Variants in CDH12 observed in about 807,000 individuals in gnomAD.
The protein encoded by CDH12 is cadherin-12.
In CDH12, 41 loss-of-function variants were observed where a neutral mutation model predicts 74.1. That is an observed-to-expected ratio of 0.55 (90% CI 0.43 to 0.72). The LOEUF is 0.72. CDH12 is among the 30% of genes least tolerant of loss of function. The pLI, the probability that CDH12 is intolerant of heterozygous loss-of-function variation, is 0.00. For missense variants in CDH12, 945 were observed against 977.2 expected, an observed-to-expected ratio of 0.97 and a Z score of 0.44; for synonymous variants, 399 against 355.0, an observed-to-expected ratio of 1.12 and a Z score of -1.39.
intron 3 of CDH12, among the ~76,000 whole-genome samples, chr5:22,254,550 T>C (rs1753249485): frequency 6.6e-6 from 1 of 151,804 alleles, no homozygotes; most frequent in Non-Finnish European, 1.5e-5. Context: ...CAATGAAATA[T>C]AACTAATGGG....
intron 6 of CDH12, among the ~76,000 whole-genome samples, chr5:21,929,407 T>A (rs909079857): frequency 6.6e-6 from 1 of 151,534 alleles, no homozygotes; most frequent in African/African-American, 2.4e-5. Context: ...TCATCAGGCA[T>A]TAGATTTTCA....
chr5:22,320,080 C>A (rs1738805130), intron 3 of CDH12, among the ~76,000 whole-genome samples: 1 of 152,082 alleles, frequency 6.6e-6, no homozygotes, highest in African/African-American at 2.4e-5. Flanking sequence ...TTAGGTCCTC[C>A]CTTATTCTGA....
chr5:22,280,027 C>G lies in CDH12; in HGVS notation c.-332-67384G>C, dbSNP rs1580475820. 4.6e-5 allele frequency among the ~76,000 whole-genome samples: 7 copies of G among 152,278 alleles called. No individual in the cohort carries two copies. The South Asian group carries it at 1.4e-3, about 32-fold the overall frequency. On this transcript the variant is annotated intron_variant, in intron 3 of 14. Coordinates refer to ENST00000382254, the MANE Select transcript of CDH12 (RefSeq NM_004061.5). Reference sequence around the variant, plus strand: ...AAGTGTTCCTATTTCTCCACATCCTCTCCAGCACCTGTTGTTTCCTGACTT... The same window carrying G: ...AAGTGTTCCTATTTCTCCACATCCTGTCCAGCACCTGTTGTTTCCTGACTT...
chr5:22,120,396 A>C (rs34004691), intron 4 of CDH12, among the ~76,000 whole-genome samples: 27,128 of 152,108 alleles, frequency 0.18, 3,389 homozygotes, highest in Non-Finnish European at 0.25. Context: ...CAGTAGATGA[A>C]GTATTACATG....
intron 6 of CDH12, chr5:21,882,991 G>C (rs1238990560): frequency 1.3e-6 from 2 of 1,590,928 alleles, no homozygotes; most frequent in Non-Finnish European, 8.6e-7. Context: ...ATTAGCAAAG[G>C]TGCTAATCCA....
intron 3 of CDH12, among the ~76,000 whole-genome samples, chr5:22,343,440 C>T (rs987148076): frequency 5.3e-5 from 8 of 151,636 alleles, no homozygotes; most frequent in African/African-American, 1.5e-4. Flanking sequence ...TTTTTTGAGA[C>T]GGAGTCTCGC....
At chr5:22,629,512 C>G (rs1738470035) in intron 1 of CDH12, among the ~76,000 whole-genome samples, 1 of 152,090 alleles carries the variant, frequency 6.6e-6, no homozygotes, top group Non-Finnish European at 1.5e-5. Flanking sequence ...AACAAAACCA[C>G]ACGATCATCT....
At chr5:21,863,856 A>G (rs938328561) in intron 6 of CDH12, among the ~76,000 whole-genome samples, 1 of 152,190 alleles carries the variant, frequency 6.6e-6, no homozygotes, top group African/African-American at 2.4e-5. Context: ...GAACTGATGC[A>G]TGTAACAAAA....
At chr5:22,242,574 A>T (rs936082542) in intron 3 of CDH12, among the ~76,000 whole-genome samples, 1 of 152,144 alleles carries the variant, frequency 6.6e-6, no homozygotes, top group African/African-American at 2.4e-5. Flanking sequence ...TCACTGGTGG[A>T]CCTCAATTTT....
At chr5:21,824,456 G>A (rs1331912946) in intron 8 of CDH12, among the ~76,000 whole-genome samples, 1 of 152,044 alleles carries the variant, frequency 6.6e-6, no homozygotes, top group East Asian at 1.9e-4. Flanking sequence ...GCAGATTCTC[G>A]CTTCAAGGAG....
chr5:21,819,568 T>C (rs1396253715), intron 8 of CDH12, among the ~76,000 whole-genome samples: 1 of 151,974 alleles, frequency 6.6e-6, no homozygotes, highest in Admixed American at 6.6e-5. Flanking sequence ...TCGTGGCTCA[T>C]AAATGAGTGT....
At chr5:22,144,471 G>T (rs1296143117) in intron 4 of CDH12, among the ~76,000 whole-genome samples, 1 of 152,140 alleles carries the variant, frequency 6.6e-6, no homozygotes, top group Non-Finnish European at 1.5e-5. Context: ...AAGACACATA[G>T]ATTTGAACTC....
At chr5:21,893,040 C>A (rs1266823305) in intron 6 of CDH12, among the ~76,000 whole-genome samples, 1 of 152,124 alleles carries the variant, frequency 6.6e-6, no homozygotes, top group East Asian at 1.9e-4. Flanking sequence ...CCTTTATCAC[C>A]TTTTCATACC....
intron 1 of CDH12, among the ~76,000 whole-genome samples, chr5:22,583,102 T>C (rs911361974): frequency 6.6e-6 from 1 of 152,108 alleles, no homozygotes; most frequent in Non-Finnish European, 1.5e-5. Flanking sequence ...AACAGCATCC[T>C]CTCTAGGAGA....
chr5:22,816,117 G>T (rs1221591322), intron 1 of CDH12, among the ~76,000 whole-genome samples: 1 of 152,138 alleles, frequency 6.6e-6, no homozygotes, highest in Non-Finnish European at 1.5e-5. Context: ...TTCGGGGCCA[G>T]GCTTCAGCAA....
At chr5:22,269,537 A>G (rs1364253493) in intron 3 of CDH12, among the ~76,000 whole-genome samples, 6 of 152,174 alleles carry the variant, frequency 3.9e-5, no homozygotes, top group Non-Finnish European at 8.8e-5. Context: ...ATTTTCTTAA[A>G]TTAGCCATAT....
intron 1 of CDH12, among the ~76,000 whole-genome samples, chr5:22,556,567 G>A (rs1291953194): frequency 1.3e-5 from 2 of 152,044 alleles, no homozygotes; most frequent in South Asian, 2.1e-4. Flanking sequence ...TGTGTTATCT[G>A]ATGTTCTATA....
intron 10 of CDH12, among the ~76,000 whole-genome samples, chr5:21,797,209 T>TGATGAA (rs1288466787): frequency 6.6e-6 from 1 of 151,846 alleles, no homozygotes; most frequent in East Asian, 1.9e-4. Flanking sequence ...ATGATGATGA[T>TGATGAA]GATGAAGATG....
intron 4 of CDH12, among the ~76,000 whole-genome samples, chr5:22,187,265 T>A (rs111866920): frequency 0.086 from 13,063 of 152,110 alleles, 897 homozygotes; most frequent in African/African-American, 0.19. Flanking sequence ...ACACTTATCA[T>A]CTTAAATCCC....
Sources: allele counts gnomAD v4.1 joint callset (sites outside exome capture counted in the v4.1 genomes callset), GRCh38; gene constraint gnomAD v4.1.1; transcripts MANE v1.5; gene names NCBI Gene and HGNC (gene_info 2026-07-23, HGNC 2026-07-21).